The following ETS1 variants were observed in gnomAD, a reference collection of about 807,000 sequenced individuals.
ETS1 encodes the protein ETS proto-oncogene 1, transcription factor.
ETS1 carries 15 observed loss-of-function variants against 58.6 expected under a neutral mutation model. That is an observed-to-expected ratio of 0.26 (90% confidence interval 0.17 to 0.39). The LOEUF (loss-of-function observed/expected upper bound fraction) is 0.39, where lower values mean the gene tolerates loss of function less well. ETS1 is among the 10% of genes least tolerant of loss of function. The pLI is 1.00. For synonymous variants in ETS1, 214 were observed against 218.2 expected (o/e 0.98, Z 0.17); for missense variants, 417 against 610.5 (o/e 0.68, Z 3.34).
At chr11:128,496,589 T>C (rs1464545851) in intron 3 of ETS1, among the ~76,000 whole-genome samples, 1 of 152,182 alleles carries the variant, frequency 6.6e-6, no homozygotes, top group Non-Finnish European at 1.5e-5. Flanking sequence ...CTGAAGTTGA[T>C]GACCCCTGGA....
chr11:128,490,604 C>T (rs542280094), intron 3 of ETS1, 28 bp from the exon 4 acceptor site: 39 of 1,563,360 alleles, frequency 2.5e-5, no homozygotes, highest in Non-Finnish European at 3.3e-5. Context: ...ATATGAATAA[C>T]AAAAATTACA....
chr11:128,564,626 A>G (rs1463608385), intron 2 of ETS1, among the ~76,000 whole-genome samples: 1 of 152,178 alleles, frequency 6.6e-6, no homozygotes, highest in Non-Finnish European at 1.5e-5. Context: ...ACTTGAGACC[A>G]CAGTCCTGGG....
intron 3 of ETS1, among the ~76,000 whole-genome samples, chr11:128,493,041 CT>C (rs1218852700): frequency 6.6e-6 from 1 of 152,160 alleles, no homozygotes; most frequent in Admixed American, 6.5e-5. Context: ...AGATTTATGA[CT>C]TGATGAAAAG....
At chr11:128,538,162 C>T (rs1469405486) in intron 3 of ETS1, among the ~76,000 whole-genome samples, 1 of 152,038 alleles carries the variant, frequency 6.6e-6, no homozygotes, top group Non-Finnish European at 1.5e-5. Context: ...AGCAGAAACA[C>T]TCGCATTAAA....
intron 1 of ETS1, among the ~76,000 whole-genome samples, chr11:128,586,721 T>C (rs1865037689): frequency 6.6e-6 from 1 of 152,124 alleles, no homozygotes; most frequent in African/African-American, 2.4e-5. Context: ...CTGAAGAAAA[T>C]ACTACTTTAA....
rs558809747 is a variant in ETS1, at chr11:128,579,786, C to A, written c.-14-6642G>T. 3.3e-5 allele frequency among the ~76,000 whole-genome samples: 5 copies of A among 151,932 alleles called. No individual in the cohort carries two copies. The South Asian group carries it at 1.0e-3, about 32-fold the overall frequency. On this transcript the variant is annotated intron_variant, in intron 1 of 9. Coordinates refer to ENST00000392668, the MANE Select transcript of ETS1 (RefSeq NM_001143820.2). ...GGGCTACCAAGGCAACATCTTTAAT[C>A]TACAATGTATAGAGTTTTAATTTCT...
At chr11:128,515,664 G>C (rs750088797) in intron 3 of ETS1, among the ~76,000 whole-genome samples, 19 of 152,136 alleles carry the variant, frequency 1.2e-4, no homozygotes, top group Non-Finnish European at 2.5e-4. Flanking sequence ...ATTATTAATA[G>C]TGCCCCTTTA....
At chr11:128,558,329 T>C (rs1264836622) in intron 2 of ETS1, among the ~76,000 whole-genome samples, 2 of 152,152 alleles carry the variant, frequency 1.3e-5, no homozygotes, top group Non-Finnish European at 1.5e-5. Context: ...TCAGCAAGAA[T>C]ACACTACTGA....
chr11:128,506,666 T>C (rs947660208), intron 3 of ETS1, among the ~76,000 whole-genome samples: 4 of 151,968 alleles, frequency 2.6e-5, no homozygotes, highest in African/African-American at 9.7e-5. Context: ...GACGAGAGGA[T>C]GAGATCTCCC....
chr11:128,580,773 A>T (rs1241033211), intron 1 of ETS1, among the ~76,000 whole-genome samples: 1 of 152,190 alleles, frequency 6.6e-6, no homozygotes, highest in Non-Finnish European at 1.5e-5. Context: ...CAGTACAATT[A>T]ACATCTCAGT....
chr11:128,528,809 G>A (rs769523019), intron 3 of ETS1, among the ~76,000 whole-genome samples: 1 of 152,158 alleles, frequency 6.6e-6, no homozygotes, highest in African/African-American at 2.4e-5. Context: ...AAAGGTCTTC[G>A]TAAAGTTTTA....
At chr11:128,525,893 C>T (rs1286343704) in intron 3 of ETS1, among the ~76,000 whole-genome samples, 1 of 152,146 alleles carries the variant, frequency 6.6e-6, no homozygotes, top group Admixed American at 6.5e-5. Flanking sequence ...AAATAACTCT[C>T]TTAATTAAAC....
At chr11:128,477,992 C>T (rs938391323) in intron 8 of ETS1, among the ~76,000 whole-genome samples, 12 of 152,184 alleles carry the variant, frequency 7.9e-5, no homozygotes, top group African/African-American at 2.6e-4. Flanking sequence ...TTGCCTAAAA[C>T]CACACAGTGT....
At chr11:128,583,240 A>G (rs1864910958) in intron 1 of ETS1, among the ~76,000 whole-genome samples, 1 of 152,210 alleles carries the variant, frequency 6.6e-6, no homozygotes, top group Non-Finnish European at 1.5e-5. Flanking sequence ...CCAAGGAGGA[A>G]CAGGCAAGAC....
chr11:128,579,960 T>G (rs1308041410), intron 1 of ETS1, among the ~76,000 whole-genome samples: 3 of 151,984 alleles, frequency 2.0e-5, no homozygotes, highest in Non-Finnish European at 4.4e-5. Context: ...GTAACAAAGT[T>G]CATGACACTT....
chr11:128,499,620 T>G (rs551743367), intron 3 of ETS1, among the ~76,000 whole-genome samples: 4 of 152,210 alleles, frequency 2.6e-5, no homozygotes, highest in African/African-American at 9.6e-5. Flanking sequence ...TGATGGGGCA[T>G]GATAACATTT....
intron 3 of ETS1, chr11:128,529,147 C>T (rs936400191): frequency 6.6e-6 from 1 of 152,194 alleles, no homozygotes; most frequent in African/African-American, 2.4e-5. Flanking sequence ...GAAATGAACT[C>T]AATTTCCTCC....
Position 128,463,435 on chromosome 11 carries a change from GCCCACGCCACCCCTTCC to G in ETS1, c.1242+57_1242+73del. On this transcript the variant is annotated intron_variant, in intron 9 of 9. Coordinates refer to ENST00000392668, the MANE Select transcript of ETS1 (RefSeq NM_001143820.2). The surrounding 1 kb of genome is among the most constrained non-coding windows in gnomAD (Gnocchi z 4.1). ...CCCAATCCTGGAACACGTCATTCAG[GCCCACGCCACCCCTTCC>G]AGGAGTTTTCTCTCATCCTTCCTCA... 1.1e-6 allele frequency: 1 copy of G among 874,594 alleles called. No homozygotes were observed. Among genetic ancestry groups the G allele is most frequent in the Non-Finnish European group, 1.9e-6 (1 of 518,980 alleles). 54.2% of individuals were successfully genotyped at this position (874,594 alleles called of 1,614,324 possible). A position where few individuals can be genotyped will look rare whatever the true frequency, so the allele number is the denominator to read the frequency against.
chr11:128,556,256 C>G (rs377475802), intron 3 of ETS1, 35 bp downstream of exon 3: 76 of 1,578,134 alleles, frequency 4.8e-5, no homozygotes, highest in Non-Finnish European at 6.1e-5. Context: ...TCCTTCAACT[C>G]TATCCTCATT....
Sources: allele counts gnomAD v4.1 joint callset (sites outside exome capture counted in the v4.1 genomes callset), GRCh38; gene constraint gnomAD v4.1.1; non-coding constraint Gnocchi (gnomAD v3.1); transcripts MANE v1.5; gene names NCBI Gene and HGNC (gene_info 2026-07-23, HGNC 2026-07-21).